TEX9: variants seen among roughly 807,000 people sequenced by gnomAD.
TEX9 encodes the protein testis-expressed protein 9.
In TEX9, 74 loss-of-function variants were observed where a neutral mutation model predicts 59.6. The ratio of observed to expected loss-of-function variants is 1.24; its 90% CI spans 1.03 to 1.51. TEX9 has a LOEUF of 1.51. TEX9 is among the 40% of genes most tolerant of loss of function. TEX9 has a pLI of 0.00. For missense variants in TEX9, 522 were observed against 447.8 expected, an observed-to-expected ratio of 1.17 and a Z score of -1.49; for synonymous variants, 186 against 152.2, an observed-to-expected ratio of 1.22 and a Z score of -1.64.
At chr15:56,439,530 C>G (rs1288057472) in intron 12 of TEX9, among the ~76,000 whole-genome samples, 1 of 151,870 alleles carries the variant, frequency 6.6e-6, no homozygotes, top group Non-Finnish European at 1.5e-5. Flanking sequence ...CATAGACCAA[C>G]AGAACAAAAT....
chr15:56,330,554 A>T (rs8042687), intron 1 of TEX9, among the ~76,000 whole-genome samples: 15 of 152,260 alleles, frequency 9.9e-5, no homozygotes, highest in African/African-American at 3.6e-4. Flanking sequence ...AAATTTTATT[A>T]GTTTTCTTTT....
At chr15:56,307,456 T>A (rs80238297) in intron 1 of TEX9, among the ~76,000 whole-genome samples, 31 of 152,318 alleles carry the variant, frequency 2.0e-4, no homozygotes, top group Non-Finnish European at 3.4e-4. Context: ...ATAAAAGGTT[T>A]GTAAAACTCT....
the TEX9 span, among the ~76,000 whole-genome samples, chr15:56,459,924 A>T: frequency 7.1e-6 from 1 of 140,756 alleles, no homozygotes; most frequent in South Asian, 2.4e-4. Context: ...CGGGAGGCAG[A>T]GGTTGTGGTG....
At chr15:56,348,934 T>TA (rs2046523711) in intron 1 of TEX9, among the ~76,000 whole-genome samples, 1 of 151,468 alleles carries the variant, frequency 6.6e-6, no homozygotes, top group East Asian at 1.9e-4. Flanking sequence ...ATTTTCTCTT[T>TA]TTTTTCTGGT....
upstream of TEX9, among the ~76,000 whole-genome samples, chr15:56,363,244 C>T (rs774803286): frequency 9.9e-5 from 15 of 151,790 alleles, no homozygotes; most frequent in Admixed American, 2.0e-4. Context: ...TCTCTACATC[C>T]TCCTCTACAC....
At chr15:56,249,936 G>A (rs986097906) in intron 1 of TEX9, among the ~76,000 whole-genome samples, 2 of 151,978 alleles carry the variant, frequency 1.3e-5, no homozygotes, top group Non-Finnish European at 2.9e-5. Flanking sequence ...GGATTCCCTT[G>A]CCTCTCTTGG....
intron 2 of TEX9, among the ~76,000 whole-genome samples, chr15:56,372,333 TG>T (rs1336941822): frequency 2.6e-5 from 4 of 152,058 alleles, no homozygotes; most frequent in African/African-American, 7.2e-5. Context: ...TTTTTTTCCC[TG>T]GGGGTGGAGA....
chr15:56,355,937 A>G (rs2046675985), intron 1 of TEX9, among the ~76,000 whole-genome samples: 2 of 152,100 alleles, frequency 1.3e-5, no homozygotes, highest in African/African-American at 4.8e-5. Flanking sequence ...AATTTTATAG[A>G]ATAGAATTTT....
At chr15:56,300,322 G>T (rs1266317718) in intron 1 of TEX9, among the ~76,000 whole-genome samples, 1 of 151,928 alleles carries the variant, frequency 6.6e-6, no homozygotes, top group African/African-American at 2.4e-5. Flanking sequence ...TTGTTTTGTG[G>T]CTTGGGTGCC....
intron 12 of TEX9, chr15:56,434,348 A>T: frequency 6.2e-7 from 1 of 1,613,312 alleles, no homozygotes; most frequent in South Asian, 1.1e-5. Context: ...GTTCTTCAAA[A>T]TCTTGCTTCA....
chr15:56,276,294 G>A (rs1340896477), intron 1 of TEX9, among the ~76,000 whole-genome samples: 2 of 152,006 alleles, frequency 1.3e-5, no homozygotes, highest in East Asian at 1.9e-4. Context: ...AACCCTGCAT[G>A]TATTAGGTAT....
intron 7 of TEX9, among the ~76,000 whole-genome samples, chr15:56,392,820 C>T (rs1329807226): frequency 6.6e-6 from 1 of 152,050 alleles, no homozygotes; most frequent in Non-Finnish European, 1.5e-5. Context: ...TTGATTGTTC[C>T]TCGGTAGAGG....
At chr15:56,345,724 G>A (rs780635249) in intron 1 of TEX9, among the ~76,000 whole-genome samples, 5 of 152,210 alleles carry the variant, frequency 3.3e-5, no homozygotes, top group Non-Finnish European at 5.9e-5. Context: ...GGAAAAGGTT[G>A]AGATAGTGTG....
At chr15:56,283,940 T>C (rs1596064818) in intron 1 of TEX9, among the ~76,000 whole-genome samples, 1 of 152,162 alleles carries the variant, frequency 6.6e-6, no homozygotes, top group Admixed American at 6.5e-5. Flanking sequence ...TCTAACCTCA[T>C]AGTAATCAGA....
intron 1 of TEX9, among the ~76,000 whole-genome samples, chr15:56,301,631 T>C (rs2045362224): frequency 6.7e-6 from 1 of 148,984 alleles, no homozygotes; most frequent in African/African-American, 2.5e-5. Context: ...CAGGAGAGAG[T>C]GGAATGATGT....
chr15:56,303,254 A>G (rs1160349408), intron 1 of TEX9, among the ~76,000 whole-genome samples: 1 of 152,188 alleles, frequency 6.6e-6, no homozygotes, highest in Non-Finnish European at 1.5e-5. Flanking sequence ...TACAGAATAT[A>G]CATTCTTCTC....
intron 10 of TEX9, among the ~76,000 whole-genome samples, chr15:56,415,220 G>A (rs116998556): frequency 0.017 from 2,385 of 143,314 alleles, 96 homozygotes; most frequent in East Asian, 0.13. Context: ...ATTTTTCTGT[G>A]CAGAAGCTCT....
intron 1 of TEX9, among the ~76,000 whole-genome samples, chr15:56,273,530 C>A (rs1394648769): frequency 2.6e-5 from 4 of 152,088 alleles, no homozygotes; most frequent in Non-Finnish European, 5.9e-5. Context: ...AGTTGGCTAT[C>A]TTTTAGAGCA....
At chr15:56,286,465 TCTTG>T (rs1322478877) in intron 1 of TEX9, among the ~76,000 whole-genome samples, 1 of 152,094 alleles carries the variant, frequency 6.6e-6, no homozygotes, top group Non-Finnish European at 1.5e-5. Context: ...GAAAAATGAC[TCTTG>T]GAGCATCTAG....
Sources: gnomAD v4.1 joint callset for allele counts (sites outside exome capture counted in the v4.1 genomes callset) on GRCh38, gnomAD v4.1.1 for gene constraint, MANE v1.5 for transcripts, NCBI Gene and HGNC (gene_info 2026-07-23, HGNC 2026-07-21) for gene names.